PNPT1: variants seen among roughly 807,000 people sequenced by gnomAD.
The protein encoded by PNPT1 is polyribonucleotide nucleotidyltransferase 1, also known as polyribonucleotide nucleotidyltransferase 1, mitochondrial.
Under a neutral mutation model 119.5 loss-of-function variants are expected in PNPT1, and 53 were observed. The ratio of observed to expected loss-of-function variants is 0.44; its 90% confidence interval spans 0.36 to 0.56. PNPT1 has a LOEUF of 0.56. Among genes scored for constraint, PNPT1 ranks in the 20% least tolerant of loss-of-function variants. The pLI is 0.00. For missense variants in PNPT1, 948 were observed against 938.5 expected (o/e 1.01, Z -0.13); for synonymous variants, 357 against 322.1 (o/e 1.11, Z -1.16).
chr2:55,687,745 C>G, intron 1 of PNPT1, 40 bp from the exon 2 acceptor site: 1 of 1,454,738 alleles, frequency 6.9e-7, no homozygotes, highest in Admixed American at 2.0e-5. Context: ...AGACTTAGGT[C>G]ATCTGTACAA....
chr2:55,689,477 T>C (rs543923106), intron 1 of PNPT1, among the ~76,000 whole-genome samples: 1 of 152,218 alleles, frequency 6.6e-6, no homozygotes, highest in Non-Finnish European at 1.5e-5. Flanking sequence ...AACTGATGAA[T>C]GGATAAGCTA....
At chr2:55,667,812 C>A in intron 12 of PNPT1, 50 bp downstream of exon 12, 1 of 1,546,094 alleles carries the variant, frequency 6.5e-7, no homozygotes, top group Non-Finnish European at 8.7e-7. Context: ...TTCAAGGCAA[C>A]TTGCAGAGAC....
In PNPT1 at chr2:55,686,924, T is replaced by C. The variant is rs113242847; in HGVS notation, c.223-480A>G. ...GCAGGTGGATCACGAGGTCAAGAGA[T>C]TGAGACCAGGCCAGGCGCGGTGGCT... is the stretch of plus-strand genomic sequence containing the variant. On this transcript the variant is annotated intron_variant, in intron 2 of 27. Coordinates refer to ENST00000447944, the MANE Select transcript of PNPT1 (RefSeq NM_033109.5). 6.6e-4 allele frequency among the ~76,000 whole-genome samples: 101 copies of C among 151,998 alleles called. No individual in the cohort carries two copies. The Middle Eastern group carries it at 0.01, about 15-fold the overall frequency.
At chr2:55,651,897 A>C (rs1371956786) in intron 18 of PNPT1, among the ~76,000 whole-genome samples, 1 of 151,274 alleles carries the variant, frequency 6.6e-6, no homozygotes, top group African/African-American at 2.4e-5. Context: ...AAAAAAAAAA[A>C]AAAAAAACAA....
intron 15 of PNPT1, among the ~76,000 whole-genome samples, chr2:55,656,723 AT>A (rs950268465): frequency 2.6e-5 from 4 of 152,160 alleles, no homozygotes; most frequent in African/African-American, 4.8e-5. Flanking sequence ...AGAATCACAG[AT>A]TTTTTTCCAT....
chr2:55,642,311 T>A (rs561385417), intron 25 of PNPT1, among the ~76,000 whole-genome samples: 1 of 152,136 alleles, frequency 6.6e-6, no homozygotes, highest in East Asian at 1.9e-4. Flanking sequence ...AAAATTTGGT[T>A]AAAGAATTCA....
chr2:55,656,318 T>C lies in PNPT1; in HGVS notation c.1338A>G (p.Arg446=), dbSNP rs764772328. 1.2e-6 allele frequency: 2 copies of C among 1,611,280 alleles called. No homozygotes were observed. Among genetic ancestry groups the C allele is most frequent in the Non-Finnish European group, 1.7e-6 (2 of 1,179,132 alleles). The change falls in exon 16 of 28, where the codon AGA becomes AGG. Residue 446 remains arginine (R), a synonymous_variant. Transcript: ENST00000447944. The part of the protein sequence containing the change: ...EIGKVTGLNR[R]ELGHGALAEK... The stretch of plus-strand genomic sequence containing the variant: ...ACCTGTACTTACCATGCCCAAGTTC[T>C]CTTCTATTTAAACCAGTGACTTTGC...
chr2:55,667,241 C>T (rs1696762359), intron 12 of PNPT1, 148 bp from the exon 13 acceptor site: 2 of 610,220 alleles, frequency 3.3e-6, no homozygotes, highest in Non-Finnish European at 5.7e-6. Context: ...TGAGCACTAT[C>T]CTGAATATCA....
At position 55,688,766 on chromosome 2, in the gene PNPT1, CAAA is replaced by C. The variant is rs200865090; in HGVS notation, c.162-1064_162-1062del. Among the ~76,000 whole-genome samples the C allele has an allele frequency of 5.0e-3, 749 of 151,134 alleles. 6 individuals are homozygous for C. Among genetic ancestry groups the C allele is most frequent in the Non-Finnish European group, 7.4e-3 (499 of 67,810 alleles). On this transcript the variant is annotated intron_variant, in intron 1 of 27. Transcript: ENST00000447944. Reference sequence around the variant, plus strand: ...AAAACAACAACAACAACAACAACAACAAAAAACTTTAGAATTTCTCCCAATGCT... The same window carrying C: ...AAAACAACAACAACAACAACAACAACAAACTTTAGAATTTCTCCCAATGCT...
intron 10 of PNPT1, among the ~76,000 whole-genome samples, chr2:55,671,723 A>G (rs1231583422): frequency 6.6e-6 from 1 of 152,226 alleles, no homozygotes; most frequent in African/African-American, 2.4e-5. Flanking sequence ...AATCCCAGCT[A>G]CTTGGGAGGC....
intron 5 of PNPT1, among the ~76,000 whole-genome samples, chr2:55,682,324 G>A (rs1355490595): frequency 6.6e-6 from 1 of 150,860 alleles, no homozygotes; most frequent in African/African-American, 2.4e-5. Flanking sequence ...GCCAGGTGTG[G>A]TGGCAGACAC....
At chr2:55,654,856 C>G (rs1485616888) in intron 18 of PNPT1, 44 bp downstream of exon 18, 2 of 1,569,178 alleles carry the variant, frequency 1.3e-6, no homozygotes, top group African/African-American at 2.8e-5. Context: ...CCTGGGATTA[C>G]AGGCATGAGC....
At chr2:55,664,380 C>A (rs2104099794) in intron 13 of PNPT1, among the ~76,000 whole-genome samples, 1 of 152,228 alleles carries the variant, frequency 6.6e-6, no homozygotes, top group East Asian at 1.9e-4. Context: ...GGTAGGAGGA[C>A]TGCGGGAGCC....
At chr2:55,681,935 A>T (rs1268865550) in intron 5 of PNPT1, among the ~76,000 whole-genome samples, 1 of 151,552 alleles carries the variant, frequency 6.6e-6, no homozygotes, top group Non-Finnish European at 1.5e-5. Flanking sequence ...GGGTCAGGAG[A>T]TCAAGACCAT....
chr2:55,647,522 A>C (rs1696039900), intron 18 of PNPT1, 69 bp from the exon 19 acceptor site: 2 of 945,930 alleles, frequency 2.1e-6, no homozygotes, highest in South Asian at 2.1e-5. Flanking sequence ...TTATCTATCA[A>C]TTTTTTTTTT....
At chr2:55,639,318 A>G (rs2627778) in intron 26 of PNPT1, among the ~76,000 whole-genome samples, 142,369 of 152,174 alleles carry the variant, frequency 0.94, 67,182 homozygotes, top group African/African-American at 0.98. Flanking sequence ...GTGTAGCACA[A>G]ATCATGAATT....
At chr2:55,675,009 C>T (rs1054731409) in intron 8 of PNPT1, among the ~76,000 whole-genome samples, 49 of 152,054 alleles carry the variant, frequency 3.2e-4, no homozygotes, top group Non-Finnish European at 1.5e-5. Flanking sequence ...GCCTATTGTC[C>T]CAGTACTTTG....
At chr2:55,684,889 G>A (rs1283014200) in intron 4 of PNPT1, 54 bp downstream of exon 4, 4 of 1,413,226 alleles carry the variant, frequency 2.8e-6, no homozygotes, top group Admixed American at 2.5e-5. Flanking sequence ...CAAGAGAAGA[G>A]ATGCTAACAT....
Position 55,637,577 on chromosome 2 carries a change from C to A in PNPT1, c.2171G>T (p.Gly724Val). ...CTGAATTTCTTGGCCAACTTCTAAT[C>A]CTAGGGCAGTAGGATGTTTAATCTG... ...QRKIKHPTALGLEVGQEIQVK... is the reference protein window; with the variant it reads ...QRKIKHPTALVLEVGQEIQVK... The change falls in exon 27 of 28, where the codon GGA becomes GTA. Residue 724 changes from glycine to valine, a missense_variant. Transcript: ENST00000447944. 1 of 1,605,588 alleles carries A rather than the reference C, an allele frequency of 6.2e-7. No individual in the cohort carries two copies. The highest frequency in any genetic ancestry group is 8.5e-7 in the Non-Finnish European group (1 of 1,172,380).
Sources: gnomAD v4.1 joint callset for allele counts (sites outside exome capture counted in the v4.1 genomes callset) on GRCh38, gnomAD v4.1.1 for gene constraint, MANE v1.5 for transcripts, NCBI Gene and HGNC (gene_info 2026-07-23, HGNC 2026-07-21) for gene names.